BARD1: variants seen among roughly 807,000 people sequenced by gnomAD.
The protein encoded by BARD1 is BRCA1 associated RING domain 1, also known as BRCA1-associated RING domain protein 1.
BARD1 carries 73 observed loss-of-function variants against 77.0 expected under a neutral mutation model. The ratio of observed to expected loss-of-function variants is 0.95; its 90% CI spans 0.79 to 1.15. The LOEUF (loss-of-function observed/expected upper bound fraction) is 1.15. Ranked by LOEUF, BARD1 falls within the 50% of genes most tolerant of loss-of-function variation. The pLI is 0.00. For synonymous variants in BARD1, 384 were observed against 338.0 expected, an observed-to-expected ratio of 1.14 and a Z score of -1.49; for missense variants, 993 against 938.8, an observed-to-expected ratio of 1.06 and a Z score of -0.75.
intron 3 of BARD1, among the ~76,000 whole-genome samples, chr2:214,790,994 C>T (rs1324587228): frequency 6.6e-6 from 1 of 152,138 alleles, no homozygotes; most frequent in African/African-American, 2.4e-5. Flanking sequence ...ATTGTCAGTA[C>T]TGTCTTTAAA....
At chr2:214,758,239 T>C (rs1314732315) in intron 6 of BARD1, among the ~76,000 whole-genome samples, 2 of 152,220 alleles carry the variant, frequency 1.3e-5, no homozygotes, top group Non-Finnish European at 1.5e-5. Flanking sequence ...CACGAATTAC[T>C]TAAATCCCGT....
chr2:214,744,863 C>T (rs981758775), intron 9 of BARD1, among the ~76,000 whole-genome samples: 1 of 151,808 alleles, frequency 6.6e-6, no homozygotes, highest in Non-Finnish European at 1.5e-5. Context: ...GATCTCCTGG[C>T]CTTGTGATCC....
At chr2:214,756,388 T>C (rs779180886) in intron 6 of BARD1, among the ~76,000 whole-genome samples, 5 of 152,206 alleles carry the variant, frequency 3.3e-5, no homozygotes, top group Non-Finnish European at 4.4e-5. Context: ...GGTGGAAATG[T>C]AAACTAGTAC....
intron 3 of BARD1, among the ~76,000 whole-genome samples, chr2:214,791,693 A>T (rs1695521658): frequency 6.6e-6 from 1 of 152,206 alleles, no homozygotes; most frequent in Non-Finnish European, 1.5e-5. Flanking sequence ...TGCTCATCTA[A>T]TTAATTCAGT....
intron 6 of BARD1, among the ~76,000 whole-genome samples, chr2:214,764,680 G>GA (rs934622702): frequency 1.3e-5 from 2 of 152,282 alleles, no homozygotes; most frequent in African/African-American, 4.8e-5. Flanking sequence ...GGAAGCCACG[G>GA]AAGGATTTTA....
chr2:214,761,359 C>CA (rs1018826366), intron 6 of BARD1, among the ~76,000 whole-genome samples: 1 of 150,606 alleles, frequency 6.6e-6, no homozygotes, highest in Non-Finnish European at 1.5e-5. Flanking sequence ...AAATCCGAGG[C>CA]AAAAAAATGA....
At chr2:214,801,674 C>A (rs899163490) in intron 1 of BARD1, among the ~76,000 whole-genome samples, 2 of 152,108 alleles carry the variant, frequency 1.3e-5, no homozygotes. Flanking sequence ...CATGTAACAT[C>A]TAAAGAACAA....
chr2:214,749,693 T>C (rs1302577306), intron 7 of BARD1, among the ~76,000 whole-genome samples: 1 of 152,164 alleles, frequency 6.6e-6, no homozygotes, highest in Non-Finnish European at 1.5e-5. Flanking sequence ...AATTTATAGT[T>C]GCTGAGTACG....
chr2:214,799,940 A>G (rs1695940525), intron 1 of BARD1, among the ~76,000 whole-genome samples: 1 of 151,954 alleles, frequency 6.6e-6, no homozygotes, highest in Non-Finnish European at 1.5e-5. Flanking sequence ...CTTTCCTGAA[A>G]CCTTTCCTTC....
intron 9 of BARD1, 122 bp from the exon 10 acceptor site, chr2:214,730,630 C>A: frequency 1.3e-6 from 1 of 770,092 alleles, no homozygotes. Flanking sequence ...AAGTATTATT[C>A]TAAAATGCAA....
At chr2:214,764,013 A>G (rs1694082074) in intron 6 of BARD1, among the ~76,000 whole-genome samples, 1 of 152,196 alleles carries the variant, frequency 6.6e-6, no homozygotes, top group South Asian at 2.1e-4. Context: ...ATCCCACAAA[A>G]AGTAACATGC....
Position 214,792,399 on chromosome 2 carries a change from T to C in BARD1, c.262A>G (p.Thr88Ala). 1.2e-6 allele frequency: 2 copies of C among 1,611,572 alleles called. No homozygotes were observed. The highest frequency in any genetic ancestry group is 1.7e-6 in the Non-Finnish European group (2 of 1,179,408). ...TTCAAGTCTTGTATCCAGGCCGGGG[T>C]GTAACACACTGGACATCCAGTTCCA... The part of the protein sequence containing the change: ...CIGTGCPVCY[T>A]PAWIQDLKIN... The change falls in exon 3 of 11, where the codon ACC (threonine) becomes GCC (alanine). Residue 88 changes from threonine to alanine, a missense_variant. Transcript: ENST00000260947.
rs1440649518 is a variant in BARD1 at position 214,781,041 on chromosome 2, A to C, written c.833T>G (p.Val278Gly). 4 of 1,608,900 alleles carry C rather than the reference A, an allele frequency of 2.5e-6. No homozygotes were observed. The highest frequency in any genetic ancestry group is 3.4e-6 in the Non-Finnish European group (4 of 1,178,062). ...TATTTGCTCAGCCAATGGTAAAGAGACTTCAGTTAAACTTCCAAAACATTC... is the reference window on the plus strand; with the variant it reads ...TATTTGCTCAGCCAATGGTAAAGAGCCTTCAGTTAAACTTCCAAAACATTC... Reference protein sequence around the residue: ...ESECFGSLTEVSLPLAEQIES... With the variant: ...ESECFGSLTEGSLPLAEQIES... Residue 278 changes from valine to glycine, a missense_variant, in exon 4 of 11, where the codon GTC becomes GGC. By Grantham distance (109) the Val-to-Gly change is moderately radical. Transcript: ENST00000260947.
At chr2:214,792,168 ACCT>A in intron 3 of BARD1, 126 bp downstream of exon 3, 2 of 943,036 alleles carry the variant, frequency 2.1e-6, no homozygotes, top group Non-Finnish European at 3.0e-6. Flanking sequence ...AAAAAAAAAA[ACCT>A]ACAGATTTTA....
At position 214,780,735 on chromosome 2, in the gene BARD1, T is replaced by C. The variant is rs1172376225; in HGVS notation, c.1139A>G (p.Asn380Ser). Residue 380 changes from asparagine to serine, a missense_variant, in exon 4 of 11, where the codon AAC becomes AGC. Asn to Ser is a conservative substitution (Grantham distance 46). Coordinates refer to ENST00000260947, the MANE Select transcript of BARD1 (RefSeq NM_000465.4). ...AATGAATTCATCGGACATGTTACTG[T>C]TTTTCCTCCCTGATGTACCACCAAC... ...RKVGGTSGRK[N>S]SNMSDEFISL... The C allele has an allele frequency of 1.2e-6, 2 of 1,614,034 alleles. No homozygotes were observed. The highest frequency in any genetic ancestry group is 2.2e-5 in the East Asian group (1 of 44,862).
chr2:214,772,685 G>A (rs1195734864), intron 4 of BARD1, among the ~76,000 whole-genome samples: 1 of 152,126 alleles, frequency 6.6e-6, no homozygotes, highest in African/African-American at 2.4e-5. Flanking sequence ...TTAGCAAACG[G>A]CTTGCTTTTT....
At chr2:214,770,961 C>A (rs1034801998) in intron 4 of BARD1, among the ~76,000 whole-genome samples, 2 of 152,144 alleles carry the variant, frequency 1.3e-5, no homozygotes, top group East Asian at 1.9e-4. Context: ...TTACATATTA[C>A]GTTTTAAGTA....
intron 1 of BARD1, among the ~76,000 whole-genome samples, chr2:214,797,856 G>A (rs1399547010): frequency 1.3e-5 from 2 of 152,126 alleles, no homozygotes; most frequent in African/African-American, 4.8e-5. Context: ...TGCAGTGAGT[G>A]AGCAAAGAGA....
chr2:214,803,524 C>A (rs28554173), intron 1 of BARD1, among the ~76,000 whole-genome samples: 40,385 of 152,086 alleles, frequency 0.27, 5,711 homozygotes, highest in African/African-American at 0.36. Flanking sequence ...TGAGATGTTT[C>A]TGTGTATGCA....
Sources: allele counts gnomAD v4.1 joint callset (sites outside exome capture counted in the v4.1 genomes callset), GRCh38; gene constraint gnomAD v4.1.1; transcripts MANE v1.5; gene names NCBI Gene and HGNC (gene_info 2026-07-23, HGNC 2026-07-21).